Variants in NDUFAF6 observed in about 807,000 individuals in gnomAD.
NDUFAF6 encodes NADH dehydrogenase (ubiquinone) complex I, assembly factor 6.
Under a neutral mutation model 40.8 loss-of-function variants are expected in NDUFAF6, and 45 were observed. That is an observed-to-expected ratio of 1.10 (90% CI 0.87 to 1.42). The LOEUF is 1.42. NDUFAF6 is among the 40% of genes most tolerant of loss of function. NDUFAF6 has a pLI of 0.00. For missense variants in NDUFAF6, 435 were observed against 418.5 expected (o/e 1.04, Z -0.34); for synonymous variants, 185 against 155.9 (o/e 1.19, Z -1.39).
intron 1 of NDUFAF6, among the ~76,000 whole-genome samples, chr8:94,914,237 G>T (rs1818979627): frequency 6.7e-6 from 1 of 150,134 alleles, no homozygotes; most frequent in Non-Finnish European, 1.5e-5. Flanking sequence ...GAATAAGGTA[G>T]TCTTCTTATT....
At chr8:94,905,727 G>A (rs986657625) in intron 1 of NDUFAF6, among the ~76,000 whole-genome samples, 1 of 152,116 alleles carries the variant, frequency 6.6e-6, no homozygotes, top group Non-Finnish European at 1.5e-5. Context: ...TCTTGGTCCT[G>A]CTCATAGTGG....
At chr8:95,061,110 A>G (rs1832561825), downstream of NDUFAF6, among the ~76,000 whole-genome samples, 1 of 152,200 alleles carries the variant, frequency 6.6e-6, no homozygotes, top group Non-Finnish European at 1.5e-5. Context: ...AAAGGCCAGG[A>G]AACGGAATGG....
At chr8:95,039,164 G>A (rs1481124586) in intron 3 of NDUFAF6, among the ~76,000 whole-genome samples, 3 of 151,472 alleles carry the variant, frequency 2.0e-5, no homozygotes, top group African/African-American at 4.8e-5. Flanking sequence ...TGTAGAAATG[G>A]GGTTTCGTGG....
chr8:95,088,444 C>T (rs932446358), intron 2 of NDUFAF6, among the ~76,000 whole-genome samples: 4 of 152,180 alleles, frequency 2.6e-5, no homozygotes, highest in Non-Finnish European at 5.9e-5. Context: ...TGGCTGGATT[C>T]CGCTCTCTTC....
intron 9 of NDUFAF6, among the ~76,000 whole-genome samples, chr8:95,071,311 T>C (rs994847105): frequency 3.5e-5 from 5 of 144,376 alleles, no homozygotes; most frequent in Non-Finnish European, 7.5e-5. Context: ...GGCAGGAGAA[T>C]GGCGTGAACC....
intron 1 of NDUFAF6, 140 bp downstream of exon 1, chr8:95,025,345 C>T: frequency 3.5e-6 from 3 of 853,444 alleles, no homozygotes; most frequent in South Asian, 3.0e-5. Flanking sequence ...TTCTAGTGGG[C>T]GTCGGGTGCG....
upstream of NDUFAF6, among the ~76,000 whole-genome samples, chr8:95,096,227 G>C (rs1007943531): frequency 1.1e-4 from 16 of 152,216 alleles, no homozygotes; most frequent in African/African-American, 3.9e-4. Flanking sequence ...GAAAGTTGGA[G>C]TGAGAGAGCA....
At chr8:95,088,228 C>T (rs961798021) in intron 2 of NDUFAF6, among the ~76,000 whole-genome samples, 4 of 152,218 alleles carry the variant, frequency 2.6e-5, no homozygotes, top group African/African-American at 9.6e-5. Flanking sequence ...TCACCTCTGC[C>T]ACAGCTATGC....
chr8:94,950,390 T>C (rs538832463), intron 2 of NDUFAF6: 4 of 152,450 alleles, frequency 2.6e-5, no homozygotes, highest in South Asian at 4.1e-4. Flanking sequence ...TCAGCTCTCA[T>C]GTGGATACTG....
chr8:95,068,497 A>G (rs1832755109), intron 9 of NDUFAF6: 1 of 151,940 alleles, frequency 6.6e-6, no homozygotes, highest in Admixed American at 6.5e-5. Flanking sequence ...ACAGATGAGA[A>G]AACTTAGGGA....
chr8:95,026,965 C>T (rs1395729901), intron 1 of NDUFAF6, among the ~76,000 whole-genome samples: 7 of 152,074 alleles, frequency 4.6e-5, no homozygotes, highest in Non-Finnish European at 4.4e-5. Context: ...AGGATCACTT[C>T]ACTCCAGGAG....
At chr8:95,053,155 A>T (rs73278511) in intron 8 of NDUFAF6, among the ~76,000 whole-genome samples, 4,603 of 152,298 alleles carry the variant, frequency 0.03, 236 homozygotes, top group African/African-American at 0.1. Context: ...TCTGTATGTG[A>T]GAAGTCATTT....
chr8:94,922,004 GTTT>G (rs1298543169), intron 1 of NDUFAF6, among the ~76,000 whole-genome samples: 1 of 151,442 alleles, frequency 6.6e-6, no homozygotes, highest in Non-Finnish European at 1.5e-5. Context: ...GTGTTTTTTT[GTTT>G]TTTTCTTTTT....
At chr8:95,035,345 A>G (rs973885920) in intron 2 of NDUFAF6, 109 bp from the exon 3 acceptor site, 1 of 1,125,072 alleles carries the variant, frequency 8.9e-7, no homozygotes, top group Non-Finnish European at 1.3e-6. Flanking sequence ...ATTTATCACC[A>G]TAGTCATAAT....
intron 2 of NDUFAF6, among the ~76,000 whole-genome samples, chr8:94,998,379 TACACACACACACACACACACAC>T (rs200968954): frequency 7.2e-6 from 1 of 138,328 alleles, no homozygotes; most frequent in African/African-American, 2.6e-5. Flanking sequence ...TGCAATCAAA[TACACACACACACACACACACAC>T]ACACACACAC....
chr8:94,928,468 T>G (rs1425786690), intron 1 of NDUFAF6: 2 of 152,532 alleles, frequency 1.3e-5, no homozygotes, highest in African/African-American at 4.8e-5. Context: ...CACACCTTCA[T>G]GGAAACTATC....
At chr8:94,927,479 A>G (rs938957839) in intron 1 of NDUFAF6, 1 of 152,218 alleles carries the variant, frequency 6.6e-6, no homozygotes, top group African/African-American at 2.4e-5. Flanking sequence ...GGAAAAATGT[A>G]TAGGAAATTA....
At chr8:95,106,830 A>G (rs1809854831), downstream of NDUFAF6, among the ~76,000 whole-genome samples, 1 of 152,264 alleles carries the variant, frequency 6.6e-6, no homozygotes, top group African/African-American at 2.4e-5. Flanking sequence ...AAAGGATATG[A>G]ACAGACACTT....
downstream of NDUFAF6, among the ~76,000 whole-genome samples, chr8:95,107,350 C>G (rs188481021): frequency 5.7e-4 from 86 of 152,208 alleles, no homozygotes; most frequent in South Asian, 1.9e-3. Flanking sequence ...AAGCTGAAAA[C>G]CATCATTCTC....
Sources: allele counts gnomAD v4.1 joint callset (sites outside exome capture counted in the v4.1 genomes callset), GRCh38; gene constraint gnomAD v4.1.1; transcripts MANE v1.5; gene names NCBI Gene and HGNC (gene_info 2026-07-23, HGNC 2026-07-21).